RAB33A: variants seen among roughly 807,000 people sequenced by gnomAD.
RAB33A encodes the protein ras-related protein Rab-33A.
RAB33A carries 6 observed loss-of-function variants against 12.0 expected under a neutral mutation model. The observed-to-expected ratio is 0.50, with a 90% CI of 0.27 to 0.99. The LOEUF is 0.99. Among genes scored for constraint, RAB33A ranks in the 50% least tolerant of loss-of-function variants. RAB33A has a pLI of 0.11. For synonymous variants in RAB33A, 70 were observed against 82.4 expected (o/e 0.85, Z 0.81); for missense variants, 109 against 192.0 (o/e 0.57, Z 2.55).
At chrX:130,133,533 G>C in the RAB33A span, 1 of 1,123,408 alleles carries the variant, frequency 8.9e-7, no homozygotes, top group Non-Finnish European at 1.2e-6. Context: ...AAACTTTGGG[G>C]GCTCAAAGAA....
the RAB33A span, among the ~76,000 whole-genome samples, chrX:130,146,451 A>ATGTG: frequency 0.025 from 2,213 of 89,397 alleles, 24 homozygotes; most frequent in Middle Eastern, 0.054. Flanking sequence ...CTCTCAAAAT[A>ATGTG]TGTGTGTGTG....
At chrX:130,147,032 C>A in the RAB33A span, among the ~76,000 whole-genome samples, 1 of 111,297 alleles carries the variant, frequency 9.0e-6, no homozygotes, top group Non-Finnish European at 1.9e-5. Context: ...TGTGGTGGTA[C>A]GTGCTTGTAA....
chrX:130,182,175 T>TACACAC (rs1415874829), intron 1 of RAB33A, among the ~76,000 whole-genome samples: 17 of 40,520 alleles, frequency 4.2e-4, no homozygotes, highest in African/African-American at 3.2e-3. Context: ...TATATATATA[T>TACACAC]ATATATACAC....
chrX:130,133,394 T>C, the RAB33A span: 1 of 1,210,825 alleles, frequency 8.3e-7, no homozygotes, highest in Non-Finnish European at 1.1e-6. Context: ...AACAGCGTGA[T>C]CATGGTGCTC....
chrX:130,118,993 T>A, the RAB33A span, among the ~76,000 whole-genome samples: 3 of 111,610 alleles, frequency 2.7e-5, no homozygotes, highest in African/African-American at 6.5e-5. Context: ...TCCTCGTCGC[T>A]GCCAAATTAT....
chrX:130,136,001 C>T, the RAB33A span: 6 of 1,208,692 alleles, frequency 5.0e-6, no homozygotes, highest in Non-Finnish European at 6.7e-6. Context: ...TGTTCACAGG[C>T]TAGGGAGAAT....
intron 1 of RAB33A, among the ~76,000 whole-genome samples, chrX:130,182,741 C>T (rs183163075): frequency 1.8e-5 from 2 of 108,194 alleles, no homozygotes; most frequent in East Asian, 2.9e-4. Flanking sequence ...GCAACAGGAA[C>T]GAAATTCTGT....
the RAB33A span, chrX:130,147,716 T>C: frequency 8.3e-6 from 10 of 1,210,347 alleles, no homozygotes; most frequent in East Asian, 3.0e-4. Context: ...TTGCAGACTG[T>C]ACCCTCTGTG....
At chrX:130,136,819 G>A in the RAB33A span, 81 of 1,059,595 alleles carry the variant, frequency 7.6e-5, no homozygotes, top group Admixed American at 1.6e-3. Context: ...TCTCCTCCAC[G>A]GTAAAACCAA....
the RAB33A span, chrX:130,155,126 C>T: frequency 4.1e-6 from 5 of 1,209,535 alleles, no homozygotes; most frequent in Non-Finnish European, 5.6e-6. Context: ...CCACCCTACC[C>T]CAAAATATGT....
the RAB33A span, among the ~76,000 whole-genome samples, chrX:130,160,600 A>T: frequency 8.9e-6 from 1 of 112,106 alleles, no homozygotes; most frequent in Non-Finnish European, 1.9e-5. Context: ...AATTTTTTTT[A>T]AATGAAAAGG....
At chrX:130,169,474 G>A (rs188927369), upstream of RAB33A, among the ~76,000 whole-genome samples, 7 of 111,733 alleles carry the variant, frequency 6.3e-5, no homozygotes, top group Admixed American at 5.7e-4. Flanking sequence ...GCATTGTACA[G>A]TACATTTAAT....
chrX:130,141,030 C>T, the RAB33A span, among the ~76,000 whole-genome samples: 1 of 112,127 alleles, frequency 8.9e-6, no homozygotes, highest in African/African-American at 3.2e-5. Flanking sequence ...GCAGGAGAAT[C>T]GCTTGAACCT....
chrX:130,133,473 T>C, the RAB33A span: 5 of 1,198,315 alleles, frequency 4.2e-6, no homozygotes, highest in African/African-American at 5.5e-5. Context: ...AACAAATACA[T>C]AACATGAACA....
chrX:130,122,862 G>A, the RAB33A span, among the ~76,000 whole-genome samples: 4 of 111,863 alleles, frequency 3.6e-5, no homozygotes, highest in Non-Finnish European at 7.5e-5. Flanking sequence ...ACCCAGTTTC[G>A]AGGCTGTGAA....
chrX:130,126,086 C>A, the RAB33A span, among the ~76,000 whole-genome samples: 3 of 112,468 alleles, frequency 2.7e-5, no homozygotes, highest in Middle Eastern at 4.2e-3. Context: ...CAAAGCCTGC[C>A]TCTTCTTCCC....
At chrX:130,148,238 A>G in the RAB33A span, among the ~76,000 whole-genome samples, 1 of 111,637 alleles carries the variant, frequency 9.0e-6, no homozygotes, top group Non-Finnish European at 1.9e-5. Flanking sequence ...GGAAAATATC[A>G]GGCTCAGTTT....
At chrX:130,115,442 A>G in the RAB33A span, among the ~76,000 whole-genome samples, 2 of 111,760 alleles carry the variant, frequency 1.8e-5, no homozygotes, top group African/African-American at 3.3e-5. Context: ...GGGAAACCCC[A>G]TCTGTACTAA....
the RAB33A span, among the ~76,000 whole-genome samples, chrX:130,164,383 GA>G: frequency 8.9e-6 from 1 of 112,289 alleles, no homozygotes; most frequent in African/African-American, 3.2e-5. Flanking sequence ...ATAGCAACTG[GA>G]AAAACTGTTC....
Sources: allele counts gnomAD v4.1 joint callset (sites outside exome capture counted in the v4.1 genomes callset), GRCh38; gene constraint gnomAD v4.1.1; transcripts MANE v1.5; gene names NCBI Gene and HGNC (gene_info 2026-07-23, HGNC 2026-07-21).